Variants in PBRM1 observed in about 807,000 individuals in gnomAD.
The protein encoded by PBRM1 is protein polybromo-1.
Under a neutral mutation model 194.5 loss-of-function variants are expected in PBRM1, and 27 were observed. The observed-to-expected ratio is 0.14, with a 90% CI of 0.10 to 0.19. PBRM1 has a LOEUF of 0.19. PBRM1 is among the 10% of genes least tolerant of loss of function. PBRM1 has a pLI of 1.00. For missense variants in PBRM1, 1,466 were observed against 2,077.2 expected (o/e 0.71, Z 5.72); for synonymous variants, 655 against 693.2 (o/e 0.94, Z 0.87).
chr3:52,600,106 G>A (rs183591582), intron 17 of PBRM1, among the ~76,000 whole-genome samples: 70 of 152,238 alleles, frequency 4.6e-4, no homozygotes, highest in Middle Eastern at 3.4e-3. Flanking sequence ...TAATGATCAA[G>A]TCAGGGTATT....
chr3:52,572,049 A>G (rs2087541869), intron 22 of PBRM1, among the ~76,000 whole-genome samples: 1 of 151,646 alleles, frequency 6.6e-6, no homozygotes, highest in African/African-American at 2.4e-5. Flanking sequence ...AACAAAACAA[A>G]AAAAACTTCA....
At position 52,609,903 on chromosome 3, in the gene PBRM1, C is replaced by T. The variant is rs2094523702; in HGVS notation, c.1977G>A (p.Gln659=). ...CTTCATAGACCTCATTTAGTTTCTG[C>T]TGCATTGGAGTCATGTATTTTGATT... Residue 659 remains glutamine, a synonymous_variant, in exon 16 of 30, where the codon CAG becomes CAA. Coordinates refer to ENST00000296302, the Ensembl canonical transcript of PBRM1. The surrounding 1 kb of genome is among the most constrained non-coding windows in gnomAD (Gnocchi z 4.1). The T allele has an allele frequency of 6.4e-7, 1 of 1,559,580 alleles. No homozygotes were observed. Among genetic ancestry groups the T allele is most frequent in the African/African-American group, 1.4e-5 (1 of 72,800 alleles).
chr3:52,584,551 G>C (rs930908279), intron 20 of PBRM1, among the ~76,000 whole-genome samples: 2 of 146,804 alleles, frequency 1.4e-5, no homozygotes, highest in Non-Finnish European at 3.0e-5. Context: ...TACCTCCTGG[G>C]CTCATGGGAT....
chr3:52,628,234 C>T (rs1026671938), intron 12 of PBRM1, among the ~76,000 whole-genome samples: 8 of 151,644 alleles, frequency 5.3e-5, no homozygotes, highest in African/African-American at 1.9e-4. Flanking sequence ...GATGGAATAT[C>T]ATCGGTGATT....
rs779429634 is a variant in PBRM1 at position 52,609,279 on chromosome 3, T to C, written c.2567+34A>G. On this transcript the variant is annotated intron_variant, in intron 16 of 29. Coordinates refer to ENST00000296302, the Ensembl canonical transcript of PBRM1. This position sits in a 1 kb window ranked among gnomAD's most constrained non-coding sequence, Gnocchi z 4.1. Reference sequence around the variant, plus strand: ...CATCTGTTTTGTATTAAATAGCACATATCCTCAAAATAAAAATGGCTTTGA... The same window carrying C: ...CATCTGTTTTGTATTAAATAGCACACATCCTCAAAATAAAAATGGCTTTGA... 3.9e-5 allele frequency: 60 copies of C among 1,536,250 alleles called. No individual in the cohort carries two copies. Among genetic ancestry groups the C allele is most frequent in the Non-Finnish European group, 4.3e-5 (48 of 1,118,228 alleles).
chr3:52,603,831 AG>A, intron 16 of PBRM1, 99 bp from the exon 19 acceptor site: 1 of 1,046,790 alleles, frequency 9.6e-7, no homozygotes, highest in Admixed American at 2.4e-5. Context: ...TAATTGATAT[AG>A]TGGTATTTCT....
chr3:52,601,262 G>A (rs1207742629), intron 17 of PBRM1, among the ~76,000 whole-genome samples: 3 of 152,188 alleles, frequency 2.0e-5, no homozygotes, highest in African/African-American at 7.2e-5. Context: ...GCTTAGGGCG[G>A]CAGCCCCCAA....
At chr3:52,593,116 T>C (rs1483106298) in intron 17 of PBRM1, among the ~76,000 whole-genome samples, 2 of 152,328 alleles carry the variant, frequency 1.3e-5, no homozygotes, top group East Asian at 3.9e-4. Flanking sequence ...GATTTGTTAA[T>C]CTTTTGAATG....
At chr3:52,673,671 CAAAA>C (rs1324914906) in intron 2 of PBRM1, among the ~76,000 whole-genome samples, 2 of 39,252 alleles carry the variant, frequency 5.1e-5, no homozygotes, top group Admixed American at 2.7e-4. Context: ...GACTCCATCT[CAAAA>C]AAAAAAAAAA....
At chr3:52,685,150 T>C (rs149310558) in intron 1 of PBRM1, among the ~76,000 whole-genome samples, 61 of 152,358 alleles carry the variant, frequency 4.0e-4, no homozygotes, top group Middle Eastern at 3.4e-3. Flanking sequence ...CAGGGCTTTT[T>C]CTATATTTTT....
chr3:52,586,556 C>T, exon 20 of PBRM1: 1 of 1,614,068 alleles, frequency 6.2e-7, no homozygotes, highest in East Asian at 2.2e-5. Context: ...TCCCGAGGGA[C>T]AAACCTGACT....
chr3:52,600,101 A>G (rs1367276642), intron 17 of PBRM1, among the ~76,000 whole-genome samples: 1 of 152,138 alleles, frequency 6.6e-6, no homozygotes, highest in African/African-American at 2.4e-5. Flanking sequence ...ATGTGTAATG[A>G]TCAAGTCAGG....
chr3:52,683,466 G>A (rs1441581865), upstream of PBRM1, among the ~76,000 whole-genome samples: 1 of 152,066 alleles, frequency 6.6e-6, no homozygotes, highest in East Asian at 1.9e-4. Flanking sequence ...TGTCTTACAG[G>A]ATAGTATTTG....
chr3:52,666,396 C>T (rs776882602), intron 3 of PBRM1, among the ~76,000 whole-genome samples: 5 of 152,038 alleles, frequency 3.3e-5, no homozygotes, highest in Admixed American at 6.6e-5. Flanking sequence ...ATTAGCCAGG[C>T]ATGATGGTGG....
chr3:52,559,453 A>G (rs1212446041), intron 25 of PBRM1, among the ~76,000 whole-genome samples: 1 of 152,130 alleles, frequency 6.6e-6, no homozygotes, highest in African/African-American at 2.4e-5. Context: ...ATTCATAAAT[A>G]GAAGATCCCC....
chr3:52,605,353 A>C (rs1445704436), intron 16 of PBRM1, among the ~76,000 whole-genome samples: 1 of 152,156 alleles, frequency 6.6e-6, no homozygotes, highest in African/African-American at 2.4e-5. Flanking sequence ...TGGCTGGCAT[A>C]AATCAAATTC....
At chr3:52,628,872 C>T (rs2153594293) in intron 12 of PBRM1, 22 bp downstream of exon 13, 1 of 1,611,042 alleles carries the variant, frequency 6.2e-7, no homozygotes, top group Non-Finnish European at 8.5e-7. Context: ...ACAACAAACT[C>T]AGCAAAAACA....
intron 20 of PBRM1, chr3:52,586,085 GCCACCACAC>G (rs2092343299): frequency 5.8e-6 from 1 of 171,930 alleles, no homozygotes; most frequent in Admixed American, 5.8e-5. Flanking sequence ...ACAGGCACGC[GCCACCACAC>G]CCAGCTAATT....
At position 52,588,899 on chromosome 3, in the gene PBRM1, T is replaced by G. The variant is rs1422910625; in HGVS notation, c.2965+171A>C. On this transcript the variant is annotated intron_variant, in intron 18 of 29. Coordinates refer to ENST00000296302, the Ensembl canonical transcript of PBRM1. Reference sequence around the variant, plus strand: ...TGACTCAACTGTGACACTTGCCCAATAGGTCCTATGTTTTTCATATGATGG... The same window carrying G: ...TGACTCAACTGTGACACTTGCCCAAGAGGTCCTATGTTTTTCATATGATGG... 2.6e-5 allele frequency among the ~76,000 whole-genome samples: 4 copies of G among 152,162 alleles called. No homozygotes were observed. In the East Asian group the frequency reaches 5.8e-4, roughly 22 times the overall value.
Sources: gnomAD v4.1 joint callset for allele counts (sites outside exome capture counted in the v4.1 genomes callset) on GRCh38, gnomAD v4.1.1 for gene constraint, Gnocchi (gnomAD v3.1) non-coding constraint, MANE v1.5 for transcripts, NCBI Gene and HGNC (gene_info 2026-07-23, HGNC 2026-07-21) for gene names.